Variants in FAM53A observed in about 807,000 individuals in gnomAD.
FAM53A encodes the protein protein FAM53A.
FAM53A carries 28 observed loss-of-function variants against 26.6 expected under a neutral mutation model. The observed-to-expected ratio is 1.05, with a 90% CI of 0.78 to 1.45. FAM53A has a LOEUF of 1.45. Ranked by LOEUF, FAM53A falls within the 40% of genes most tolerant of loss-of-function variation. The pLI is 0.00. For missense variants in FAM53A, 650 were observed against 575.8 expected, an observed-to-expected ratio of 1.13 and a Z score of -1.32; for synonymous variants, 290 against 253.1, an observed-to-expected ratio of 1.15 and a Z score of -1.38.
the FAM53A span, among the ~76,000 whole-genome samples, chr4:1,601,547 G>A: frequency 8.9e-6 from 1 of 111,880 alleles, no homozygotes; most frequent in South Asian, 2.6e-4. Context: ...TGGAAAGTCT[G>A]CAGAACAGGC....
In FAM53A at chr4:1,655,374, C is replaced by A. The variant is rs1024548930; in HGVS notation, c.486G>T (p.Gln162His). 1 of 1,446,544 alleles carries A rather than the reference C, an allele frequency of 6.9e-7. No individual in the cohort carries two copies. The highest frequency in any genetic ancestry group is 1.5e-5 in the African/African-American group (1 of 67,634). The allele number at this position is 1,446,544 out of a possible 1,614,324, so 89.6% of individuals were successfully genotyped here. The change falls in exon 4 of 5, where the codon CAG (glutamine) becomes CAT (histidine). Residue 162 changes from glutamine to histidine, a missense_variant. Coordinates refer to ENST00000308132, the MANE Select transcript of FAM53A (RefSeq NM_001174070.3). ...TCGGCAGGACGGCGCCGGGGCTTCC[C>A]TGCCGCGTGGCACTCCCGCCGCTGT... ...RCDSGGSATRQGSPGAVLPRS... is the reference protein window; with the variant it reads ...RCDSGGSATRHGSPGAVLPRS...
chr4:1,663,981 C>A (rs1471993164), intron 2 of FAM53A, among the ~76,000 whole-genome samples: 1 of 152,188 alleles, frequency 6.6e-6, no homozygotes, highest in Non-Finnish European at 1.5e-5. Flanking sequence ...GCGCACGAGG[C>A]GGCAGCCGGG....
intron 2 of FAM53A, among the ~76,000 whole-genome samples, chr4:1,661,328 C>A (rs1316985212): frequency 6.6e-6 from 1 of 152,176 alleles, no homozygotes; most frequent in South Asian, 2.1e-4. Context: ...CACAGCCCGG[C>A]GCCCTATGTA....
At chr4:1,652,951 C>A (rs940451752) in intron 4 of FAM53A, among the ~76,000 whole-genome samples, 62 of 150,366 alleles carry the variant, frequency 4.1e-4, no homozygotes, top group African/African-American at 1.4e-3. Context: ...CACACACATA[C>A]CACACAGACC....
chr4:1,658,285 G>C (rs1713564797), intron 2 of FAM53A, among the ~76,000 whole-genome samples: 1 of 152,162 alleles, frequency 6.6e-6, no homozygotes, highest in Non-Finnish European at 1.5e-5. Context: ...CTCACAAAGT[G>C]CTGGAATTAC....
intron 1 of FAM53A, among the ~76,000 whole-genome samples, chr4:1,626,742 C>T (rs1715325668): frequency 6.6e-6 from 1 of 152,202 alleles, no homozygotes; most frequent in South Asian, 2.1e-4. Flanking sequence ...GGACCCAGGA[C>T]AGTGTAGACT....
At chr4:1,627,541 C>A (rs906009161) in intron 1 of FAM53A, among the ~76,000 whole-genome samples, 1 of 152,202 alleles carries the variant, frequency 6.6e-6, no homozygotes, top group African/African-American at 2.4e-5. Flanking sequence ...CAGACCCTGC[C>A]AGGCTGACCC....
chr4:1,679,778 G>A (rs1245411499), intron 1 of FAM53A, among the ~76,000 whole-genome samples: 2 of 151,622 alleles, frequency 1.3e-5, no homozygotes, highest in Non-Finnish European at 2.9e-5. Flanking sequence ...GCCGGGTGTG[G>A]TGGCTCACGC....
At chr4:1,594,417 G>A in the FAM53A span, among the ~76,000 whole-genome samples, 1 of 152,162 alleles carries the variant, frequency 6.6e-6, no homozygotes, top group Non-Finnish European at 1.5e-5. Flanking sequence ...GGATGATAGA[G>A]GCACTGCCCC....
chr4:1,599,317 C>T, the FAM53A span, among the ~76,000 whole-genome samples: 6 of 152,108 alleles, frequency 3.9e-5, no homozygotes, highest in African/African-American at 9.7e-5. The surrounding 1 kb of genome is among the most constrained non-coding windows in gnomAD (Gnocchi z 6.1). Flanking sequence ...CCAACAACTC[C>T]GCCCGGTACT....
At chr4:1,623,842 G>T (rs2108751232) in intron 1 of FAM53A, among the ~76,000 whole-genome samples, 1 of 152,292 alleles carries the variant, frequency 6.6e-6, no homozygotes, top group East Asian at 1.9e-4. Flanking sequence ...TAATTGGGGA[G>T]GAGAAAAAAG....
intron 4 of FAM53A, among the ~76,000 whole-genome samples, chr4:1,647,108 G>C (rs936854117): frequency 1.3e-5 from 2 of 152,030 alleles, no homozygotes; most frequent in Non-Finnish European, 2.9e-5. Context: ...GCTGAGGTGG[G>C]TGGATTTCCT....
the FAM53A span, among the ~76,000 whole-genome samples, chr4:1,581,728 GGGATTA>G: frequency 1.3e-5 from 2 of 152,136 alleles, no homozygotes; most frequent in African/African-American, 4.8e-5. Flanking sequence ...CCAAGTAACT[GGGATTA>G]CAGGCACCCG....
downstream of FAM53A, among the ~76,000 whole-genome samples, chr4:1,614,475 T>TGCAGAGACGTGAGGGGGAC: frequency 1.3e-5 from 1 of 78,390 alleles, no homozygotes; most frequent in Non-Finnish European, 2.3e-5. Flanking sequence ...GTGAGGGGGA[T>TGCAGAGACGTGAGGGGGAC]GCAGAGACGT....
chr4:1,583,408 G>A, the FAM53A span, among the ~76,000 whole-genome samples: 1 of 152,250 alleles, frequency 6.6e-6, no homozygotes, highest in East Asian at 1.9e-4. Context: ...ACTGGTCAGA[G>A]GAGTCTCGTG....
At chr4:1,621,697 C>A (rs11931951) in intron 1 of FAM53A, among the ~76,000 whole-genome samples, 10,554 of 152,296 alleles carry the variant, frequency 0.069, 1,053 homozygotes, top group African/African-American at 0.22. Flanking sequence ...CCAAGGCTGT[C>A]ACAAGGTCCC....
rs1191402249 is a variant in FAM53A at position 1,682,236 on chromosome 4, AAG to A, written c.-165+1995_-165+1996del. 2.6e-5 allele frequency among the ~76,000 whole-genome samples: 4 copies of A among 151,792 alleles called. No individual in the cohort carries two copies. In the East Asian group the frequency reaches 5.8e-4, roughly 22 times the overall value. The stretch of plus-strand genomic sequence containing the variant: ...TTAATATCATTGCAGAAAATGCCAA[AAG>A]AGTTTATATAAAAATTTTTAATTTC... On this transcript the variant is annotated intron_variant, in intron 1 of 4. Coordinates refer to ENST00000308132, the MANE Select transcript of FAM53A (RefSeq NM_001174070.3).
At chr4:1,636,483 C>T (rs186695732), downstream of FAM53A, among the ~76,000 whole-genome samples, 27 of 152,364 alleles carry the variant, frequency 1.8e-4, no homozygotes, top group East Asian at 4.1e-3. Context: ...GCCCCGTTCA[C>T]GGGAGATCCC....
At chr4:1,594,744 G>A in the FAM53A span, among the ~76,000 whole-genome samples, 49 of 152,200 alleles carry the variant, frequency 3.2e-4, no homozygotes, top group Non-Finnish European at 5.4e-4. Context: ...TCAGGAGGCT[G>A]AGACAGGAGG....
Sources: allele counts gnomAD v4.1 joint callset (sites outside exome capture counted in the v4.1 genomes callset), GRCh38; gene constraint gnomAD v4.1.1; non-coding constraint Gnocchi (gnomAD v3.1); transcripts MANE v1.5; gene names NCBI Gene and HGNC (gene_info 2026-07-23, HGNC 2026-07-21).